Variants in HEBP1 observed in about 807,000 individuals in gnomAD.
The protein encoded by HEBP1 is heme-binding protein 1.
A neutral mutation model predicts 20.4 loss-of-function variants in HEBP1; 13 were observed. The observed-to-expected ratio is 0.64, with a 90% CI of 0.42 to 1.01. The LOEUF (loss-of-function observed/expected upper bound fraction) is 1.01, where lower values mean the gene tolerates loss of function less well. HEBP1 is among the 50% of genes least tolerant of loss of function. The probability of loss-of-function intolerance (pLI) is 0.00; values close to 1 mark genes in which losing one functional copy is unlikely to be tolerated. For missense variants in HEBP1, 241 were observed against 247.3 expected (o/e 0.97, Z 0.17); for synonymous variants, 92 against 90.7 (o/e 1.01, Z -0.08).
At chr12:12,982,011 C>T (rs770132493) in intron 3 of HEBP1, among the ~76,000 whole-genome samples, 16 of 152,130 alleles carry the variant, frequency 1.1e-4, no homozygotes, top group Non-Finnish European at 1.8e-4. Context: ...TATTTAGAGA[C>T]GGGGTCTCAT....
chr12:12,997,981 C>T (rs1377826888), intron 1 of HEBP1, among the ~76,000 whole-genome samples: 1 of 152,154 alleles, frequency 6.6e-6, no homozygotes, highest in African/African-American at 2.4e-5. Flanking sequence ...GGATAGACAG[C>T]TCTCTGTGTT....
chr12:12,976,077 C>CAAAAAAAAAAAAAAAAAAAA (rs56110606), intron 3 of HEBP1, among the ~76,000 whole-genome samples: 1 of 85,906 alleles, frequency 1.2e-5, no homozygotes, highest in Non-Finnish European at 2.1e-5. Context: ...GACCCTGTGT[C>CAAAAAAAAAAAAAAAAAAAA]AAAAAAAAAA....
At chr12:12,984,088 T>G (rs1256912777) in intron 3 of HEBP1, 1 of 183,394 alleles carries the variant, frequency 5.5e-6, no homozygotes, top group Non-Finnish European at 1.2e-5. Context: ...AAAACGAAGA[T>G]GCAGACCACT....
At chr12:12,977,530 C>T (rs1409326306) in intron 3 of HEBP1, 2 of 152,192 alleles carry the variant, frequency 1.3e-5, no homozygotes, top group Admixed American at 6.5e-5. Flanking sequence ...GCTATGATCA[C>T]ATCTGTGAAT....
rs1255099819 is a variant in HEBP1 at position 12,998,400 on chromosome 12, A to G, written c.78+1637T>C. ...ATTTGGCAACACTGTTTCATATATC[A>G]CTGCATAGCAACAAGTGGCTGGAAC... On this transcript the variant is annotated intron_variant, in intron 1 of 3. Transcript: ENST00000014930. This position sits in a 1 kb window ranked among gnomAD's most constrained non-coding sequence, Gnocchi z 4.2. 6.6e-6 allele frequency among the ~76,000 whole-genome samples: 1 copy of G among 152,054 alleles called. No homozygotes were observed. The highest frequency in any genetic ancestry group is 1.9e-4 in the East Asian group (1 of 5,180).
chr12:12,999,065 C>T (rs1364038917), intron 1 of HEBP1, among the ~76,000 whole-genome samples: 1 of 152,216 alleles, frequency 6.6e-6, no homozygotes, highest in Non-Finnish European at 1.5e-5. Context: ...CCATCATAGC[C>T]CCCTGGCAGA....
intron 1 of HEBP1, among the ~76,000 whole-genome samples, chr12:12,993,969 C>G (rs577916920): frequency 1.3e-5 from 2 of 152,262 alleles, no homozygotes; most frequent in African/African-American, 4.8e-5. Flanking sequence ...GAGGTGGTCA[C>G]AGATCACCCA....
intron 3 of HEBP1, among the ~76,000 whole-genome samples, chr12:12,985,349 T>C (rs913534466): frequency 3.9e-5 from 6 of 152,146 alleles, no homozygotes; most frequent in African/African-American, 1.4e-4. Flanking sequence ...GCTGGGTGAA[T>C]GCTGTGAAGA....
In HEBP1 at chr12:12,991,206, C is replaced by T. The variant is rs909102333; in HGVS notation, c.79-1791G>A. Among the ~76,000 whole-genome samples, 6 of 152,172 alleles carry T rather than the reference C, an allele frequency of 3.9e-5. No individual in the cohort carries two copies. The East Asian group carries it at 5.8e-4, about 15-fold the overall frequency. ...GTGAACCCACTGGGCAGTTACACCACGCCTGGCCTCTGCTGTTGATTTATG... is the reference window on the plus strand; with the variant it reads ...GTGAACCCACTGGGCAGTTACACCATGCCTGGCCTCTGCTGTTGATTTATG... On this transcript the variant is annotated intron_variant, in intron 1 of 3. Transcript: ENST00000014930.
intron 1 of HEBP1, among the ~76,000 whole-genome samples, chr12:12,994,985 G>A (rs1864273562): frequency 6.6e-6 from 1 of 152,134 alleles, no homozygotes; most frequent in East Asian, 1.9e-4. Flanking sequence ...GATGATGCAG[G>A]CACCACTGAG....
At position 13,000,107 on chromosome 12, in the gene HEBP1, C is replaced by G. The variant is rs373330045; in HGVS notation, c.8G>C (p.Gly3Ala). Residue 3 changes from glycine (G) to alanine (A), a missense_variant, in exon 1 of 4, where the codon GGC becomes GCC. Gly to Ala is a moderately conservative substitution (Grantham distance 60). Transcript: ENST00000014930. MLGMIKNSLFGSV... is the reference protein window; with the variant it reads MLAMIKNSLFGSV... The stretch of plus-strand genomic sequence containing the variant: ...TCCGAACAGCGAGTTCTTGATCATG[C>G]CCAACATGTTGTAGCCGAGACGCTC... 93 of 1,609,788 alleles carry G rather than the reference C, an allele frequency of 5.8e-5. No homozygotes were observed. The highest frequency in any genetic ancestry group is 7.3e-5 in the Non-Finnish European group (86 of 1,177,800).
intron 1 of HEBP1, among the ~76,000 whole-genome samples, chr12:12,990,116 GCACACA>G (rs36210276): frequency 0.038 from 5,746 of 149,582 alleles, 168 homozygotes; most frequent in East Asian, 0.15. Context: ...TACTCTCTGT[GCACACA>G]CACACACACA....
Position 12,974,966 on chromosome 12 carries a change from C to G in HEBP1, c.*342G>C, listed in dbSNP as rs1863958020. The G allele has an allele frequency of 5.1e-6, 1 of 197,338 alleles. No homozygotes were observed. Among genetic ancestry groups the G allele is most frequent in the Non-Finnish European group, 1.0e-5 (1 of 96,394 alleles). 12.2% of individuals were successfully genotyped at this position (197,338 alleles called of 1,614,324 possible). ...AAAGATCAGGCACAAATCACATTTT[C>G]CCCCTTAATAACAAAATACAAATCC... is the stretch of plus-strand genomic sequence containing the variant. On this transcript the variant is annotated 3_prime_UTR_variant, in exon 4 of 4. Transcript: ENST00000014930.
chr12:12,988,379 A>T (rs1471222696), intron 2 of HEBP1, among the ~76,000 whole-genome samples: 1 of 152,230 alleles, frequency 6.6e-6, no homozygotes, highest in Admixed American at 6.5e-5. Context: ...CTACAGGTTA[A>T]CGTATCTTCC....
rs1368285146 is a variant in HEBP1 at position 12,993,909 on chromosome 12, TG to T, written c.79-4495del. Among the ~76,000 whole-genome samples the T allele has an allele frequency of 2.0e-5, 3 of 152,300 alleles. No individual in the cohort carries two copies. The East Asian group carries it at 5.8e-4, about 29-fold the overall frequency. ...GGAAAGGACCACTTAGGTTAGTTTA[TG>T]GGGCATGGGTGTATGTGATAACATG... On this transcript the variant is annotated intron_variant, in intron 1 of 3. Transcript: ENST00000014930.
rs536373440 is a variant in HEBP1 at position 12,987,852 on chromosome 12, G to A, written c.218-520C>T. ...GGGTTTTGCCATGTTGGCCAGGCTC[G>A]TCTTAAACTCCTACCTCAAGTGATT... On this transcript the variant is annotated intron_variant, in intron 2 of 3. Coordinates refer to ENST00000014930, the MANE Select transcript of HEBP1 (RefSeq NM_015987.5). Among the ~76,000 whole-genome samples, 257 of 152,130 alleles carry A rather than the reference G, an allele frequency of 1.7e-3. 1 individual carries two copies. Among genetic ancestry groups the A allele is most frequent in the Non-Finnish European group, 3.2e-3 (216 of 68,020 alleles).
intron 1 of HEBP1, among the ~76,000 whole-genome samples, chr12:12,994,302 A>G (rs981221441): frequency 2.0e-5 from 3 of 152,356 alleles, no homozygotes; most frequent in East Asian, 3.9e-4. Flanking sequence ...CAGATCTCAG[A>G]AGAACTCAGA....
chr12:12,976,318 T>C (rs1289916588), intron 3 of HEBP1, among the ~76,000 whole-genome samples: 2 of 152,300 alleles, frequency 1.3e-5, no homozygotes, highest in African/African-American at 2.4e-5. Context: ...ATGGCAGAAA[T>C]TGGGGACAGA....
At chr12:12,981,244 C>A (rs1024117501) in intron 3 of HEBP1, among the ~76,000 whole-genome samples, 1 of 152,122 alleles carries the variant, frequency 6.6e-6, no homozygotes, top group Non-Finnish European at 1.5e-5. Context: ...AGAAAGGGAT[C>A]TGATTTTGCG....
Sources: allele counts gnomAD v4.1 joint callset (sites outside exome capture counted in the v4.1 genomes callset), GRCh38; gene constraint gnomAD v4.1.1; non-coding constraint Gnocchi (gnomAD v3.1); transcripts MANE v1.5; gene names NCBI Gene and HGNC (gene_info 2026-07-23, HGNC 2026-07-21).